PDE10A: variants seen among roughly 807,000 people sequenced by gnomAD.
The protein encoded by PDE10A is phosphodiesterase 10A.
In PDE10A, 39 loss-of-function variants were observed where a neutral mutation model predicts 97.7. The observed-to-expected ratio is 0.40, with a 90% confidence interval of 0.31 to 0.52. The LOEUF (loss-of-function observed/expected upper bound fraction) is 0.52, where lower values mean the gene tolerates loss of function less well. PDE10A is among the 20% of genes least tolerant of loss of function. The pLI, the probability that PDE10A is intolerant of heterozygous loss-of-function variation, is 0.56. For synonymous variants in PDE10A, 371 were observed against 376.8 expected (o/e 0.98, Z 0.18); for missense variants, 731 against 1,047.8 (o/e 0.70, Z 4.17).
intron 2 of PDE10A, among the ~76,000 whole-genome samples, chr6:165,497,103 T>C (rs997892670): frequency 6.6e-6 from 1 of 151,524 alleles, no homozygotes; most frequent in African/African-American, 2.4e-5. Context: ...AAATAAAAAA[T>C]GGGGGTTACA....
intron 3 of PDE10A, among the ~76,000 whole-genome samples, chr6:165,458,169 CATA>C: frequency 1.3e-5 from 2 of 152,088 alleles, no homozygotes; most frequent in South Asian, 4.2e-4. Context: ...TTTATTTTGA[CATA>C]ATTTCGATCT....
intron 1 of PDE10A, among the ~76,000 whole-genome samples, chr6:165,567,539 T>G (rs1323449138): frequency 6.6e-6 from 1 of 152,212 alleles, no homozygotes; most frequent in African/African-American, 2.4e-5. Context: ...TGCCTTTTCT[T>G]CACTGATAAC....
chr6:165,883,090 G>C (rs1327979746), intron 1 of PDE10A, among the ~76,000 whole-genome samples: 1 of 152,078 alleles, frequency 6.6e-6, no homozygotes, highest in African/African-American at 2.4e-5. Context: ...ACAAAAATTA[G>C]TCGGGTGCAG....
At chr6:165,370,287 T>C (rs576953895) in intron 18 of PDE10A, among the ~76,000 whole-genome samples, 3,509 of 148,014 alleles carry the variant, frequency 0.024, 80 homozygotes, top group African/African-American at 0.084. Flanking sequence ...GACTGGCAAA[T>C]TGGATAAAGA....
chr6:165,562,003 G>A (rs547408343), intron 1 of PDE10A, among the ~76,000 whole-genome samples: 1 of 152,142 alleles, frequency 6.6e-6, no homozygotes, highest in East Asian at 1.9e-4. Context: ...AGGTGTGGTA[G>A]CTCATGCCTG....
chr6:165,350,639 G>A (rs1782631641), intron 18 of PDE10A, among the ~76,000 whole-genome samples: 1 of 152,164 alleles, frequency 6.6e-6, no homozygotes, highest in Admixed American at 6.5e-5. Context: ...GTTTGGCTGT[G>A]TCCCCACCCA....
intron 1 of PDE10A, among the ~76,000 whole-genome samples, chr6:165,814,241 A>G (rs1779352035): frequency 6.6e-6 from 1 of 152,166 alleles, no homozygotes; most frequent in Non-Finnish European, 1.5e-5. Context: ...GCCGTGCAGC[A>G]AGGCTTCCTA....
chr6:165,620,919 G>C (rs1370073410), intron 1 of PDE10A, among the ~76,000 whole-genome samples: 1 of 151,894 alleles, frequency 6.6e-6, no homozygotes, highest in African/African-American at 2.4e-5. Context: ...TACTAGGGAG[G>C]CTGAGACAGG....
At chr6:165,956,825 T>A (rs989067671) in intron 1 of PDE10A, among the ~76,000 whole-genome samples, 1 of 152,226 alleles carries the variant, frequency 6.6e-6, no homozygotes, top group Non-Finnish European at 1.5e-5. Flanking sequence ...AGTGGGATCT[T>A]AAGACCTGGC....
chr6:165,529,790 C>T (rs760838842), intron 2 of PDE10A, among the ~76,000 whole-genome samples: 5 of 152,082 alleles, frequency 3.3e-5, no homozygotes, highest in Admixed American at 2.0e-4. Context: ...TTATGTTAGG[C>T]GTAATTATGA....
chr6:165,809,222 C>G (rs983864214), intron 1 of PDE10A, among the ~76,000 whole-genome samples: 2 of 152,178 alleles, frequency 1.3e-5, no homozygotes, highest in Non-Finnish European at 1.5e-5. Context: ...CTGGTGCCCC[C>G]CTTCATCCTC....
chr6:165,431,721 G>C (rs555328354), intron 7 of PDE10A, among the ~76,000 whole-genome samples: 54 of 151,260 alleles, frequency 3.6e-4, no homozygotes, highest in Non-Finnish European at 6.6e-4. Context: ...CTGAGCTTTT[G>C]AACATTTTCC....
At chr6:165,423,400 T>G (rs1051666756) in intron 10 of PDE10A, among the ~76,000 whole-genome samples, 1 of 152,196 alleles carries the variant, frequency 6.6e-6, no homozygotes, top group Admixed American at 6.5e-5. Context: ...GCAGGGCGTC[T>G]GGAAATGAGT....
intron 1 of PDE10A, among the ~76,000 whole-genome samples, chr6:165,929,523 G>A (rs1475181299): frequency 1.3e-5 from 2 of 152,218 alleles, no homozygotes; most frequent in Non-Finnish European, 2.9e-5. Flanking sequence ...GGGACCCGGA[G>A]TGACCACTGT....
At chr6:165,677,371 G>A (rs948514936) in intron 1 of PDE10A, among the ~76,000 whole-genome samples, 1 of 152,130 alleles carries the variant, frequency 6.6e-6, no homozygotes, top group African/African-American at 2.4e-5. Flanking sequence ...TGTGTGAGCC[G>A]GTTCCTTAAA....
chr6:165,751,454 T>C (rs182461388), intron 1 of PDE10A, among the ~76,000 whole-genome samples: 2 of 152,304 alleles, frequency 1.3e-5, no homozygotes, highest in Non-Finnish European at 2.9e-5. Context: ...TGAAGGACTG[T>C]GGCTCTGTGC....
intron 1 of PDE10A, among the ~76,000 whole-genome samples, chr6:165,914,089 A>C (rs1304903033): frequency 6.6e-6 from 1 of 152,256 alleles, no homozygotes; most frequent in Non-Finnish European, 1.5e-5. Context: ...TATTTTAATC[A>C]AAACAGCCAC....
intron 10 of PDE10A, among the ~76,000 whole-genome samples, chr6:165,422,372 C>G (rs1024099583): frequency 2.7e-5 from 4 of 150,034 alleles, no homozygotes; most frequent in African/African-American, 9.9e-5. Flanking sequence ...CGCATATACA[C>G]ACACAGGCAT....
intron 5 of PDE10A, 82 bp from the exon 6 acceptor site, chr6:165,435,459 T>C (rs1395830592): frequency 8.5e-7 from 1 of 1,175,282 alleles, no homozygotes; most frequent in African/African-American, 1.5e-5. Flanking sequence ...CTAACAGTCA[T>C]AATAAATCTG....
Sources: allele counts gnomAD v4.1 joint callset (sites outside exome capture counted in the v4.1 genomes callset), GRCh38; gene constraint gnomAD v4.1.1; transcripts MANE v1.5; gene names NCBI Gene and HGNC (gene_info 2026-07-23, HGNC 2026-07-21).